Variants in BANK1 observed in about 807,000 individuals in gnomAD.
The protein encoded by BANK1 is B-cell scaffold protein with ankyrin repeats.
A neutral mutation model predicts 94.5 loss-of-function variants in BANK1; 95 were observed. The ratio of observed to expected loss-of-function variants is 1.00; its 90% confidence interval spans 0.85 to 1.19. BANK1 has a LOEUF of 1.19. BANK1 is among the 50% of genes most tolerant of loss of function. The pLI, the probability that BANK1 is intolerant of heterozygous loss-of-function variation, is 0.00. For synonymous variants in BANK1, 334 were observed against 308.4 expected, an observed-to-expected ratio of 1.08 and a Z score of -0.87; for missense variants, 987 against 932.2, an observed-to-expected ratio of 1.06 and a Z score of -0.77.
At chr4:101,823,096 AT>A (rs35089501) in intron 1 of BANK1, among the ~76,000 whole-genome samples, 9,418 of 152,004 alleles carry the variant, frequency 0.062, 718 homozygotes, top group African/African-American at 0.17. Context: ...CCTATTTGTC[AT>A]TTTTTGTATT....
At chr4:101,976,334 T>G (rs1725126853) in intron 7 of BANK1, among the ~76,000 whole-genome samples, 1 of 152,148 alleles carries the variant, frequency 6.6e-6, no homozygotes, top group Non-Finnish European at 1.5e-5. Context: ...TCTGAGACTT[T>G]CCTGTGAAGT....
At chr4:101,854,812 G>A (rs575197402) in intron 2 of BANK1, among the ~76,000 whole-genome samples, 3 of 152,202 alleles carry the variant, frequency 2.0e-5, no homozygotes, top group East Asian at 3.9e-4. Flanking sequence ...GATGAACATA[G>A]TATTACATAG....
intron 7 of BANK1, among the ~76,000 whole-genome samples, chr4:101,970,676 C>G (rs1724923374): frequency 6.6e-6 from 1 of 152,088 alleles, no homozygotes; most frequent in African/African-American, 2.4e-5. Context: ...TGTCAGCTCA[C>G]TCACTCATAG....
At chr4:101,955,691 T>C (rs1418788175) in intron 7 of BANK1, among the ~76,000 whole-genome samples, 5 of 152,328 alleles carry the variant, frequency 3.3e-5, no homozygotes, top group East Asian at 1.9e-4. Flanking sequence ...TATAAGATCA[T>C]TGACATTTTT....
chr4:101,824,811 A>T (rs1167291495), intron 1 of BANK1, among the ~76,000 whole-genome samples: 1 of 152,156 alleles, frequency 6.6e-6, no homozygotes, highest in African/African-American at 2.4e-5. Context: ...ATTTTATTCA[A>T]AAAGAAGAAA....
chr4:101,828,783 T>G (rs1232261339), intron 1 of BANK1, among the ~76,000 whole-genome samples: 3 of 152,168 alleles, frequency 2.0e-5, no homozygotes, highest in Non-Finnish European at 4.4e-5. Flanking sequence ...CTTATTGTGG[T>G]GACTTTGTTT....
intron 7 of BANK1, among the ~76,000 whole-genome samples, chr4:102,011,850 ATAATTT>A (rs1726522369): frequency 6.6e-6 from 1 of 152,176 alleles, no homozygotes. Context: ...TTGTCTAGAA[ATAATTT>A]TTAATAGGTC....
intron 9 of BANK1, among the ~76,000 whole-genome samples, 189 bp downstream of exon 9, chr4:102,025,698 CT>C (rs1440262764): frequency 6.6e-6 from 1 of 152,094 alleles, no homozygotes; most frequent in African/African-American, 2.4e-5. Flanking sequence ...CTACCTTGTT[CT>C]TTTGTTTCTT....
intron 5 of BANK1, among the ~76,000 whole-genome samples, chr4:101,873,164 T>C (rs998922089): frequency 2.0e-5 from 3 of 152,218 alleles, no homozygotes; most frequent in African/African-American, 7.2e-5. Flanking sequence ...ACTCTGAACA[T>C]CTGTATTGAA....
chr4:101,963,996 G>A (rs1489176260), intron 7 of BANK1, among the ~76,000 whole-genome samples: 1 of 152,048 alleles, frequency 6.6e-6, no homozygotes, highest in Non-Finnish European at 1.5e-5. Context: ...TTTTTTGTGT[G>A]TGTGCAAATC....
At chr4:101,844,339 G>A (rs555999975) in intron 2 of BANK1, among the ~76,000 whole-genome samples, 4 of 152,168 alleles carry the variant, frequency 2.6e-5, no homozygotes, top group East Asian at 1.9e-4. Flanking sequence ...CACAATAGGC[G>A]AAACAGAAGA....
intron 1 of BANK1, among the ~76,000 whole-genome samples, chr4:101,802,107 G>C (rs971675126): frequency 7.2e-5 from 11 of 152,140 alleles, no homozygotes; most frequent in Non-Finnish European, 1.5e-4. Flanking sequence ...ATAGGCCCGG[G>C]GATAGAGCCC....
intron 9 of BANK1, among the ~76,000 whole-genome samples, chr4:102,025,851 CTG>C (rs1473734048): frequency 1.3e-5 from 2 of 152,064 alleles, no homozygotes; most frequent in Non-Finnish European, 2.9e-5. Flanking sequence ...TGGAAGGAGT[CTG>C]TAGTTCTTCA....
Position 102,021,598 on chromosome 4 carries a change from T to A in BANK1, c.1285+6T>A. 1 of 1,231,760 alleles carries A rather than the reference T, an allele frequency of 8.1e-7. No homozygotes were observed. The highest frequency in any genetic ancestry group is 1.1e-6 in the Non-Finnish European group (1 of 894,566). 76.3% of individuals were successfully genotyped at this position (1,231,760 alleles called of 1,614,324 possible). On this transcript the variant is annotated splice_donor_region_variant and intron_variant, in intron 8 of 16. Transcript: ENST00000322953. ...ATTTTCCACATATATTCCTTGTAAGTTTTTCCATGTTATATATATATATGA... is the reference window on the plus strand; with the variant it reads ...ATTTTCCACATATATTCCTTGTAAGATTTTCCATGTTATATATATATATGA...
chr4:101,986,698 A>G (rs1470860453), intron 7 of BANK1, among the ~76,000 whole-genome samples: 1 of 150,840 alleles, frequency 6.6e-6, no homozygotes, highest in Non-Finnish European at 1.5e-5. Context: ...TTGAAGCTCT[A>G]TATTTCATGT....
intron 7 of BANK1, among the ~76,000 whole-genome samples, chr4:102,020,257 G>A (rs1487608898): frequency 2.0e-5 from 3 of 151,954 alleles, no homozygotes; most frequent in Non-Finnish European, 4.4e-5. Flanking sequence ...GAAATATATA[G>A]GTGAAGCTAA....
chr4:101,922,746 A>T (rs1016004081), intron 7 of BANK1, among the ~76,000 whole-genome samples: 3 of 151,848 alleles, frequency 2.0e-5, no homozygotes, highest in South Asian at 2.1e-4. Flanking sequence ...TTCAATATTG[A>T]TGTTCTGTTC....
intron 7 of BANK1, among the ~76,000 whole-genome samples, chr4:102,003,890 CAT>C (rs1390099523): frequency 6.7e-6 from 1 of 150,100 alleles, no homozygotes; most frequent in East Asian, 2.0e-4. Context: ...TATGTATATA[CAT>C]ATATGTGTGT....
intron 11 of BANK1, among the ~76,000 whole-genome samples, chr4:102,057,718 C>T (rs912770521): frequency 6.6e-6 from 1 of 152,108 alleles, no homozygotes; most frequent in Non-Finnish European, 1.5e-5. Context: ...TGTGACATCA[C>T]ATTGATACTT....
Sources: allele counts gnomAD v4.1 joint callset (sites outside exome capture counted in the v4.1 genomes callset), GRCh38; gene constraint gnomAD v4.1.1; transcripts MANE v1.5; gene names NCBI Gene and HGNC (gene_info 2026-07-23, HGNC 2026-07-21).